IL34: variants seen among roughly 807,000 people sequenced by gnomAD.
IL34 encodes the protein interleukin-34.
IL34 carries 17 observed loss-of-function variants against 25.3 expected under a neutral mutation model. The ratio of observed to expected loss-of-function variants is 0.67; its 90% CI spans 0.46 to 1.01. The LOEUF is 1.01. Ranked by LOEUF, IL34 falls within the 50% of genes least tolerant of loss-of-function variation. IL34 has a pLI of 0.00. For synonymous variants in IL34, 174 were observed against 140.9 expected (o/e 1.23, Z -1.66); for missense variants, 368 against 312.9 (o/e 1.18, Z -1.33).
chr16:70,584,741 G>C (rs1005075421), intron 1 of IL34, among the ~76,000 whole-genome samples: 33 of 151,600 alleles, frequency 2.2e-4, no homozygotes, highest in African/African-American at 7.8e-4. Context: ...TGGTCTGTCA[G>C]CGAAGCTAGA....
Position 70,659,986 on chromosome 16 carries a change from ATC to A in IL34, c.539-7_539-6del. Reference sequence around the variant, plus strand: ...GCTGCAGTCTTTTTTTTTTTCCCCTATCTCTTGCAGGTAAACAAAGCTCCGTC... The same window carrying A: ...GCTGCAGTCTTTTTTTTTTTCCCCTATCTTGCAGGTAAACAAAGCTCCGTC... On this transcript the variant is annotated splice_polypyrimidine_tract_variant and intron_variant, in intron 5 of 5. Transcript: ENST00000288098. The A allele has an allele frequency of 2.6e-6, 4 of 1,552,140 alleles. No homozygotes were observed. Among genetic ancestry groups the A allele is most frequent in the Non-Finnish European group, 3.5e-6 (4 of 1,155,014 alleles).
In IL34 at chr16:70,591,020, G is replaced by T. The variant is rs71401816; in HGVS notation, c.-401+10971G>T. On this transcript the variant is annotated intron_variant, in intron 1 of 6. Coordinates refer to the IL34 transcript ENST00000429149. ...CCCGGCCCCGGCCCCAGCCTGCTCG[G>T]GTCTCCGGGGTCTCAGGACAGCACT... Among the ~76,000 whole-genome samples the T allele has an allele frequency of 3.2e-3, 483 of 152,326 alleles. 1 individual carries two copies. Among genetic ancestry groups the T allele is most frequent in the Middle Eastern group, 6.8e-3 (2 of 294 alleles).
chr16:70,660,175 C>G lies in IL34; in HGVS notation c.717C>G (p.Gly239=), dbSNP rs780602039. The G allele has an allele frequency of 3.2e-6, 5 of 1,584,812 alleles. No homozygotes were observed. Among genetic ancestry groups the G allele is most frequent in the Non-Finnish European group, 4.3e-6 (5 of 1,167,170 alleles). The part of the protein sequence containing the change: ...SVRPVRAQGE[G]LLP ...GGCCGGTCAGGGCACAGGGCGAGGG[C>G]CTCTTGCCCTGAGCACCCTGGATGG... The change falls in exon 6 of 6, where the codon GGC becomes GGG. Residue 239 remains glycine, a synonymous_variant. Coordinates refer to ENST00000288098, the MANE Select transcript of IL34 (RefSeq NM_001393494.1).
chr16:70,660,102 C>T lies in IL34; in HGVS notation c.644C>T (p.Pro215Leu), dbSNP rs201784459. ...TATGCGGCCACCCAGCTGTACCCTC[C>T]GCCCCCGTGGTCCCCCAGCTCCCCG... is the stretch of plus-strand genomic sequence containing the variant. ...LQYAATQLYP[P>L]PPWSPSSPPH... The change falls in exon 6 of 6, where the codon CCG becomes CTG. Residue 215 changes from proline (P) to leucine (L), a missense_variant. Transcript: ENST00000288098. 120 of 1,613,432 alleles carry T rather than the reference C, an allele frequency of 7.4e-5. No individual in the cohort carries two copies. In the Admixed American group the frequency reaches 1.1e-3, roughly 15 times the overall value.
chr16:70,623,273 G>A (rs991875503), intron 1 of IL34, among the ~76,000 whole-genome samples: 1 of 152,086 alleles, frequency 6.6e-6, no homozygotes, highest in Non-Finnish European at 1.5e-5. Context: ...AAGAAAGCAT[G>A]CTTGAGATCC....
chr16:70,648,882 G>A (rs1378220993), intron 1 of IL34, among the ~76,000 whole-genome samples: 1 of 152,136 alleles, frequency 6.6e-6, no homozygotes, highest in African/African-American at 2.4e-5. Context: ...AGCCTCCCTT[G>A]CCTCTTCCAG....
intron 1 of IL34, among the ~76,000 whole-genome samples, chr16:70,639,406 C>G (rs2051729514): frequency 6.6e-6 from 1 of 152,172 alleles, no homozygotes; most frequent in Non-Finnish European, 1.5e-5. Context: ...CTTGGCAAAG[C>G]TGTTGATCTG....
intron 1 of IL34, among the ~76,000 whole-genome samples, chr16:70,623,122 T>G (rs950113344): frequency 2.6e-5 from 4 of 152,032 alleles, no homozygotes; most frequent in Admixed American, 6.6e-5. Context: ...GGATGAAATT[T>G]GGGCTTGATT....
chr16:70,623,819 T>C (rs1567449690), intron 1 of IL34, among the ~76,000 whole-genome samples: 1 of 150,714 alleles, frequency 6.6e-6, no homozygotes. Context: ...TAAAAGAGTA[T>C]CATCTAAGTT....
At chr16:70,602,459 G>A (rs2050932258) in intron 1 of IL34, among the ~76,000 whole-genome samples, 1 of 152,116 alleles carries the variant, frequency 6.6e-6, no homozygotes, top group Non-Finnish European at 1.5e-5. Context: ...CTTGAGCCCT[G>A]GAGGTTGAGG....
chr16:70,639,330 ACTGT>A (rs1249894438), intron 1 of IL34, among the ~76,000 whole-genome samples: 2 of 152,210 alleles, frequency 1.3e-5, no homozygotes, highest in African/African-American at 2.4e-5. Flanking sequence ...GGGCCTGGAG[ACTGT>A]CTGATTTCAG....
At chr16:70,646,191 T>C (rs1392159050), upstream of IL34, among the ~76,000 whole-genome samples, 1 of 152,188 alleles carries the variant, frequency 6.6e-6, no homozygotes, top group Non-Finnish European at 1.5e-5. Flanking sequence ...ATTACAAGCA[T>C]GAGCCATTGC....
chr16:70,596,705 T>TA (rs1214481109), intron 1 of IL34, among the ~76,000 whole-genome samples: 2 of 152,152 alleles, frequency 1.3e-5, no homozygotes, highest in African/African-American at 4.8e-5. Context: ...GTGTCATGCT[T>TA]ATAGTAATGG....
chr16:70,602,872 T>C (rs567465255), intron 1 of IL34, among the ~76,000 whole-genome samples: 1 of 152,174 alleles, frequency 6.6e-6, no homozygotes, highest in Admixed American at 6.5e-5. Context: ...TCTTTTTCCC[T>C]GTAGTTATTC....
At chr16:70,645,053 G>A (rs535370043), upstream of IL34, among the ~76,000 whole-genome samples, 1 of 147,554 alleles carries the variant, frequency 6.8e-6, no homozygotes, top group African/African-American at 2.5e-5. Flanking sequence ...CGAGGAAGGA[G>A]GAAGAGAAGG....
rs1328118879 is a variant in IL34 at position 70,623,849 on chromosome 16, T to C, written c.-400-22699T>C. Among the ~76,000 whole-genome samples, 3 of 150,450 alleles carry C rather than the reference T, an allele frequency of 2.0e-5. No individual in the cohort carries two copies. The East Asian group carries it at 5.8e-4, about 29-fold the overall frequency. ...TAAGTTGGCACCAGAGTTGGGGAGTTCTAAGAGGTTTAGAAGCCTGGCCGT... is the reference window on the plus strand; with the variant it reads ...TAAGTTGGCACCAGAGTTGGGGAGTCCTAAGAGGTTTAGAAGCCTGGCCGT... On this transcript the variant is annotated intron_variant, in intron 1 of 6. Transcript: ENST00000429149.
At chr16:70,627,800 G>GT (rs1312061851) in intron 1 of IL34, among the ~76,000 whole-genome samples, 2 of 151,992 alleles carry the variant, frequency 1.3e-5, no homozygotes, top group Admixed American at 6.6e-5. Flanking sequence ...GTTTTGCTGT[G>GT]TTTTTTTAAA....
intron 1 of IL34, among the ~76,000 whole-genome samples, chr16:70,617,457 T>A (rs1478510235): frequency 6.6e-6 from 1 of 152,120 alleles, no homozygotes; most frequent in Non-Finnish European, 1.5e-5. Context: ...GGAGTATGAC[T>A]AGACAGAAGA....
In IL34 at chr16:70,655,720, A is replaced by G. The variant is rs145548531; in HGVS notation, c.163-882A>G. Among the ~76,000 whole-genome samples the G allele has an allele frequency of 7.2e-3, 1,095 of 151,968 alleles. 8 individuals carry two copies. The highest frequency in any genetic ancestry group is 9.1e-3 in the Non-Finnish European group (618 of 67,974). On this transcript the variant is annotated intron_variant, in intron 2 of 5. Coordinates refer to ENST00000288098, the MANE Select transcript of IL34 (RefSeq NM_001393494.1). Reference sequence around the variant, plus strand: ...GTATCTTTTTAAATTAATTAATTTAATTTTTAGAGACAGGGTGTCACTCTG... The same window carrying G: ...GTATCTTTTTAAATTAATTAATTTAGTTTTTAGAGACAGGGTGTCACTCTG...
Sources: gnomAD v4.1 joint callset for allele counts (sites outside exome capture counted in the v4.1 genomes callset) on GRCh38, gnomAD v4.1.1 for gene constraint, MANE v1.5 for transcripts, NCBI Gene and HGNC (gene_info 2026-07-23, HGNC 2026-07-21) for gene names.